The following RPH3A variants were observed in gnomAD, a reference collection of about 807,000 sequenced individuals.
RPH3A encodes rabphilin-3A.
Under a neutral mutation model 102.2 loss-of-function variants are expected in RPH3A, and 48 were observed. The observed-to-expected ratio is 0.47, with a 90% confidence interval of 0.37 to 0.60. The LOEUF (loss-of-function observed/expected upper bound fraction) is 0.60, where lower values mean the gene tolerates loss of function less well. Among genes scored for constraint, RPH3A ranks in the 20% least tolerant of loss-of-function variants. The pLI, the probability that RPH3A is intolerant of heterozygous loss-of-function variation, is 0.00. For missense variants in RPH3A, 781 were observed against 910.1 expected, an observed-to-expected ratio of 0.86 and a Z score of 1.83; for synonymous variants, 310 against 324.3, an observed-to-expected ratio of 0.96 and a Z score of 0.47.
intron 5 of RPH3A, among the ~76,000 whole-genome samples, chr12:112,856,979 A>G (rs1229676318): frequency 1.3e-5 from 2 of 152,010 alleles, no homozygotes; most frequent in Non-Finnish European, 2.9e-5. Context: ...TCACTCCAGA[A>G]TTGGCACCCC....
At chr12:112,658,625 G>C (rs763570087) in intron 1 of RPH3A, among the ~76,000 whole-genome samples, 1 of 152,244 alleles carries the variant, frequency 6.6e-6, no homozygotes, top group Non-Finnish European at 1.5e-5. Flanking sequence ...GGTGTCAGCT[G>C]TGCAGGTGAT....
At chr12:112,860,510 T>A (rs2042490117) in intron 5 of RPH3A, among the ~76,000 whole-genome samples, 1 of 152,244 alleles carries the variant, frequency 6.6e-6, no homozygotes, top group East Asian at 1.9e-4. Context: ...GAGGCTGCAG[T>A]GTGGGTTTGC....
At chr12:112,824,114 G>A (rs569084393) in intron 2 of RPH3A, among the ~76,000 whole-genome samples, 2 of 152,326 alleles carry the variant, frequency 1.3e-5, no homozygotes, top group African/African-American at 4.8e-5. Flanking sequence ...ACCTGCTAGG[G>A]AATGAGGGAA....
intron 1 of RPH3A, among the ~76,000 whole-genome samples, chr12:112,575,730 A>G (rs1251031952): frequency 6.6e-6 from 1 of 152,122 alleles, no homozygotes; most frequent in Non-Finnish European, 1.5e-5. Flanking sequence ...ACCCCGCATC[A>G]GGCTTTGGTC....
chr12:112,667,660 TAAAG>T lies in RPH3A; in HGVS notation c.-140+92343_-140+92346del, dbSNP rs1566250064. Among the ~76,000 whole-genome samples the T allele has an allele frequency of 4.8e-5, 4 of 82,876 alleles. No homozygotes were observed. In the South Asian group the frequency reaches 1.2e-3, roughly 26 times the overall value. The allele number at this position is 82,876 out of a possible 152,430, so 54.4% of individuals were successfully genotyped here. On this transcript the variant is annotated intron_variant, in intron 1 of 21. Coordinates refer to the RPH3A transcript ENST00000543106. ...ATCACCATTCATGGGCAGAGATGAA[TAAAG>T]AGAGAGAGAGAGAGAGAGAGAGAGA...
chr12:112,674,874 C>A (rs532174279), intron 1 of RPH3A, among the ~76,000 whole-genome samples: 1 of 152,312 alleles, frequency 6.6e-6, no homozygotes, highest in African/African-American at 2.4e-5. Flanking sequence ...TCCACATTCT[C>A]TCTCAGGGGC....
intron 1 of RPH3A, among the ~76,000 whole-genome samples, chr12:112,696,068 T>C (rs561603694): frequency 1.7e-4 from 26 of 152,328 alleles, no homozygotes; most frequent in African/African-American, 5.1e-4. Context: ...CTCCCACTTA[T>C]AAGCAAGAGC....
intron 1 of RPH3A, among the ~76,000 whole-genome samples, chr12:112,748,003 A>T (rs1003894028): frequency 2.5e-4 from 38 of 152,150 alleles, no homozygotes; most frequent in African/African-American, 9.2e-4. Flanking sequence ...CATGCCTTCA[A>T]CTCACATTCT....
At chr12:112,766,904 C>A (rs1177738894) in intron 1 of RPH3A, among the ~76,000 whole-genome samples, 1 of 152,136 alleles carries the variant, frequency 6.6e-6, no homozygotes, top group African/African-American at 2.4e-5. Flanking sequence ...GTGGGGTGAC[C>A]ACCTCTTTCC....
At chr12:112,634,815 C>A (rs1187103547) in intron 1 of RPH3A, among the ~76,000 whole-genome samples, 1 of 152,188 alleles carries the variant, frequency 6.6e-6, no homozygotes, top group African/African-American at 2.4e-5. Context: ...CAGTTGGGTG[C>A]TCGTGGAACT....
In RPH3A at chr12:112,709,594, C is replaced by CTATG. The variant is rs1472086429; in HGVS notation, c.-139-82548_-139-82545dup. Among the ~76,000 whole-genome samples, 3 of 151,674 alleles carry CTATG rather than the reference C, an allele frequency of 2.0e-5. No homozygotes were observed. The East Asian group carries it at 5.8e-4, about 29-fold the overall frequency. On this transcript the variant is annotated intron_variant, in intron 1 of 21. Transcript: ENST00000543106. ...ACTCTCGTGTCAGGTGCTGTGCATG[C>CTATG]TATGCATTGTTTATTTATTCCCCAA...
intron 1 of RPH3A, among the ~76,000 whole-genome samples, chr12:112,704,527 G>A (rs2040415916): frequency 6.6e-6 from 1 of 152,118 alleles, no homozygotes; most frequent in Admixed American, 6.5e-5. Flanking sequence ...GGTGTGAGTG[G>A]TTTCCTTGAG....
At chr12:112,781,723 T>C (rs2041009439) in intron 1 of RPH3A, among the ~76,000 whole-genome samples, 1 of 152,236 alleles carries the variant, frequency 6.6e-6, no homozygotes, top group Non-Finnish European at 1.5e-5. Flanking sequence ...ATTCATCAAC[T>C]ATTTATTTGG....
At position 112,774,338 on chromosome 12, in the gene RPH3A, T is replaced by A. The variant is rs542704903; in HGVS notation, c.-139-17805T>A. On this transcript the variant is annotated intron_variant, in intron 1 of 21. Transcript: ENST00000543106. The stretch of plus-strand genomic sequence containing the variant: ...TTTCCAGATTGTCACTGACACATAA[T>A]GTATTATGCTGATTAAATGTAACTA... Among the ~76,000 whole-genome samples, 7 of 152,292 alleles carry A rather than the reference T, an allele frequency of 4.6e-5. No homozygotes were observed. The South Asian group carries it at 1.5e-3, about 32-fold the overall frequency.
chr12:112,636,558 T>C (rs1005634429), intron 1 of RPH3A, among the ~76,000 whole-genome samples: 2 of 152,182 alleles, frequency 1.3e-5, no homozygotes, highest in Admixed American at 1.3e-4. Flanking sequence ...CTATGTGAGA[T>C]ACTCCCTTGT....
chr12:112,771,477 T>C (rs1454205753), intron 1 of RPH3A, among the ~76,000 whole-genome samples: 1 of 152,252 alleles, frequency 6.6e-6, no homozygotes, highest in Non-Finnish European at 1.5e-5. Context: ...TGGACATTTA[T>C]ATTGCTTCCC....
Position 112,713,705 on chromosome 12 carries a change from T to A in RPH3A, c.-139-78438T>A, listed in dbSNP as rs540599918. Among the ~76,000 whole-genome samples the A allele has an allele frequency of 4.6e-5, 7 of 152,298 alleles. No individual in the cohort carries two copies. In the South Asian group the frequency reaches 8.3e-4, roughly 18 times the overall value. On this transcript the variant is annotated intron_variant, in intron 1 of 21. Coordinates refer to the RPH3A transcript ENST00000543106. ...CTGGCAGTGTCTGGCATATGGTGGA[T>A]GTTCAATAAATATTTGTTCCTTGAA...
intron 1 of RPH3A, among the ~76,000 whole-genome samples, chr12:112,786,018 G>A (rs1222803762): frequency 2.0e-5 from 3 of 151,652 alleles, no homozygotes; most frequent in Non-Finnish European, 4.4e-5. Flanking sequence ...TTCAGGAGAT[G>A]AGCGGGGAAG....
intron 1 of RPH3A, among the ~76,000 whole-genome samples, chr12:112,700,132 C>T (rs562561452): frequency 4.4e-4 from 67 of 151,506 alleles, no homozygotes; most frequent in South Asian, 1.7e-3. Flanking sequence ...TGCAATGGCG[C>T]GATCTTGGCT....
Sources: gnomAD v4.1 joint callset for allele counts (sites outside exome capture counted in the v4.1 genomes callset) on GRCh38, gnomAD v4.1.1 for gene constraint, MANE v1.5 for transcripts, NCBI Gene and HGNC (gene_info 2026-07-23, HGNC 2026-07-21) for gene names.